The following FER variants were observed in gnomAD, a reference collection of about 807,000 sequenced individuals.
FER encodes tyrosine-protein kinase Fer.
A neutral mutation model predicts 111.0 loss-of-function variants in FER; 63 were observed. The observed-to-expected ratio is 0.57, with a 90% CI of 0.46 to 0.70. The LOEUF (loss-of-function observed/expected upper bound fraction) is 0.70. FER is among the 30% of genes least tolerant of loss of function. The pLI, the probability that FER is intolerant of heterozygous loss-of-function variation, is 0.00. For synonymous variants in FER, 327 were observed against 313.9 expected (o/e 1.04, Z -0.44); for missense variants, 914 against 954.0 (o/e 0.96, Z 0.55).
chr5:108,801,789 C>G (rs1756680781), intron 3 of FER, among the ~76,000 whole-genome samples: 1 of 152,110 alleles, frequency 6.6e-6, no homozygotes, highest in Non-Finnish European at 1.5e-5. Context: ...GAGACACTTT[C>G]TGTCTTCTTT....
intron 13 of FER, among the ~76,000 whole-genome samples, chr5:108,961,049 C>T (rs1212655854): frequency 6.6e-6 from 1 of 152,156 alleles, no homozygotes; most frequent in Non-Finnish European, 1.5e-5. Flanking sequence ...GATTGTACCA[C>T]TGCACTCCAG....
At chr5:108,792,165 C>T (rs1755451173) in intron 2 of FER, among the ~76,000 whole-genome samples, 1 of 152,100 alleles carries the variant, frequency 6.6e-6, no homozygotes, top group African/African-American at 2.4e-5. Flanking sequence ...GTTATTTTGG[C>T]TCCCTTACTT....
chr5:109,042,930 C>A (rs1561816194), intron 14 of FER, among the ~76,000 whole-genome samples: 1 of 152,024 alleles, frequency 6.6e-6, no homozygotes, highest in Non-Finnish European at 1.5e-5. Flanking sequence ...GGATATTGAG[C>A]AAAGCAGTAG....
chr5:109,151,785 G>A (rs1754877149), intron 17 of FER, among the ~76,000 whole-genome samples: 1 of 152,076 alleles, frequency 6.6e-6, no homozygotes, highest in Admixed American at 6.6e-5. Flanking sequence ...TACAGACGAA[G>A]TTATGAGACA....
At chr5:108,981,552 T>G (rs1762016721) in intron 13 of FER, among the ~76,000 whole-genome samples, 1 of 152,078 alleles carries the variant, frequency 6.6e-6, no homozygotes, top group Non-Finnish European at 1.5e-5. Flanking sequence ...AGAGAACAGC[T>G]GTGCATAGTC....
intron 13 of FER, among the ~76,000 whole-genome samples, chr5:109,012,250 T>C (rs1292834276): frequency 6.6e-6 from 1 of 152,216 alleles, no homozygotes; most frequent in East Asian, 1.9e-4. Flanking sequence ...ATGATTACAC[T>C]AAGATAATGT....
At position 109,180,781 on chromosome 5, in the gene FER, A is replaced by C. The variant is rs1758208657; in HGVS notation, c.2083A>C (p.Asn695His). ...TGCAAGAAACTGCCTGGTAGGTGAA[A>C]ATAATGTTCTGAAAATCAGTGACTT... ...LAARNCLVGE[N>H]NVLKISDFGM... Residue 695 changes from asparagine (N) to histidine (H), a missense_variant, in exon 18 of 20, where the codon AAT becomes CAT. Asn to His is a moderately conservative substitution (Grantham distance 68). Around this residue, in one of 3 missense-constraint regions of FER, gnomAD observed 6 missense variants for 22.0 expected, o/e 0.27. Transcript: ENST00000281092. The C allele has an allele frequency of 6.2e-7, 1 of 1,613,292 alleles. No individual in the cohort carries two copies.
At chr5:108,840,629 C>G (rs187762120) in intron 5 of FER, among the ~76,000 whole-genome samples, 24 of 152,062 alleles carry the variant, frequency 1.6e-4, no homozygotes, top group African/African-American at 5.5e-4. Flanking sequence ...CCTGATCTAT[C>G]CCCTATATTT....
chr5:108,845,041 CATAT>C (rs1232663960), intron 5 of FER, among the ~76,000 whole-genome samples: 825 of 46,334 alleles, frequency 0.018, 15 homozygotes, highest in African/African-American at 0.021. Context: ...TATATATATA[CATAT>C]ATATATATAT....
chr5:109,033,056 C>T (rs186661017), intron 13 of FER, among the ~76,000 whole-genome samples: 35 of 152,266 alleles, frequency 2.3e-4, no homozygotes, highest in Non-Finnish European at 4.6e-4. Context: ...ACTCTGTCAA[C>T]TCTATTCATT....
intron 2 of FER, chr5:108,782,690 C>G (rs1451586618): frequency 6.6e-6 from 1 of 152,042 alleles, no homozygotes; most frequent in Non-Finnish European, 1.5e-5. Flanking sequence ...GTTGCCTAGG[C>G]TGATCTTGAA....
At chr5:108,774,327 T>A (rs7712956) in intron 2 of FER, among the ~76,000 whole-genome samples, 67,005 of 151,980 alleles carry the variant, frequency 0.44, 16,941 homozygotes, top group African/African-American at 0.7. Context: ...GTTGGTTCTG[T>A]CTCTGCTATT....
intron 16 of FER, among the ~76,000 whole-genome samples, chr5:109,071,248 T>G (rs1775729494): frequency 6.6e-6 from 1 of 152,052 alleles, no homozygotes; most frequent in Non-Finnish European, 1.5e-5. Flanking sequence ...TATCCTTGTT[T>G]TTCATCATCT....
At chr5:109,068,659 T>C (rs1197220173) in intron 16 of FER, among the ~76,000 whole-genome samples, 2 of 152,218 alleles carry the variant, frequency 1.3e-5, no homozygotes, top group African/African-American at 4.8e-5. Context: ...ATCATTTGTG[T>C]GACTTTAAGC....
At chr5:108,777,292 G>C (rs1580467207) in intron 2 of FER, among the ~76,000 whole-genome samples, 2 of 152,164 alleles carry the variant, frequency 1.3e-5, no homozygotes, top group South Asian at 4.1e-4. Flanking sequence ...TTTTAGAGCA[G>C]TTTTAAGTTA....
chr5:109,160,179 A>G (rs193093255), intron 17 of FER, among the ~76,000 whole-genome samples: 44 of 152,246 alleles, frequency 2.9e-4, no homozygotes, highest in African/African-American at 8.7e-4. Flanking sequence ...AAATTAGCCT[A>G]TGGAACTATA....
intron 17 of FER, among the ~76,000 whole-genome samples, chr5:109,133,506 A>G (rs1752581124): frequency 6.6e-6 from 1 of 152,174 alleles, no homozygotes; most frequent in South Asian, 2.1e-4. Flanking sequence ...AATATTTTTA[A>G]AAATATTTGT....
intron 17 of FER, among the ~76,000 whole-genome samples, chr5:109,129,603 A>G (rs1238143389): frequency 1.3e-5 from 2 of 152,068 alleles, no homozygotes; most frequent in East Asian, 1.9e-4. Flanking sequence ...TTAATATTTC[A>G]TGATATAAAA....
intron 5 of FER, among the ~76,000 whole-genome samples, chr5:108,848,250 C>T (rs1762214759): frequency 2.0e-5 from 3 of 152,156 alleles, no homozygotes; most frequent in Admixed American, 1.3e-4. Context: ...TTGTAAACAG[C>T]ATATAGTTAT....
Sources: gnomAD v4.1 joint callset for allele counts (sites outside exome capture counted in the v4.1 genomes callset) on GRCh38, gnomAD v4.1.1 for gene constraint, gnomAD v4.1.1 regional missense constraint, MANE v1.5 for transcripts, NCBI Gene and HGNC (gene_info 2026-07-23, HGNC 2026-07-21) for gene names.